MACF1: variants seen among roughly 807,000 people sequenced by gnomAD.
MACF1 encodes the protein microtubule-actin cross-linking factor 1.
Under a neutral mutation model 854.8 loss-of-function variants are expected in MACF1, and 193 were observed. The ratio of observed to expected loss-of-function variants is 0.23; its 90% CI spans 0.20 to 0.25. MACF1 has a LOEUF of 0.25. MACF1 is among the 10% of genes least tolerant of loss of function. MACF1 has a pLI of 1.00. For synonymous variants in MACF1, 3,185 were observed against 3,226.7 expected (o/e 0.99, Z 0.44); for missense variants, 7,722 against 8,929.1 (o/e 0.86, Z 5.45).
At chr1:39,231,657 A>G (rs1407418040) in intron 2 of MACF1, among the ~76,000 whole-genome samples, 2 of 151,880 alleles carry the variant, frequency 1.3e-5, no homozygotes, top group Non-Finnish European at 2.9e-5. Flanking sequence ...AGAACAGTTT[A>G]TTCCTAGCTT....
intron 2 of MACF1, among the ~76,000 whole-genome samples, chr1:39,242,334 A>T (rs1644933577): frequency 6.7e-6 from 1 of 149,732 alleles, no homozygotes; most frequent in Non-Finnish European, 1.5e-5. Context: ...TGAGCAACAG[A>T]GTGAGACTCT....
At chr1:39,149,782 C>T (rs927223954) in intron 2 of MACF1, among the ~76,000 whole-genome samples, 3 of 152,034 alleles carry the variant, frequency 2.0e-5, no homozygotes, top group African/African-American at 4.8e-5. Context: ...CCTCTCCAAC[C>T]ACTTTCTCAC....
intron 91 of MACF1, chr1:39,459,896 CT>C: frequency 8.1e-7 from 1 of 1,235,576 alleles, no homozygotes; most frequent in African/African-American, 1.6e-5. Flanking sequence ...TTATTGGGTT[CT>C]TGGTGCTTTT....
chr1:39,360,280 T>A (rs1327206957), intron 47 of MACF1, among the ~76,000 whole-genome samples: 1 of 151,722 alleles, frequency 6.6e-6, no homozygotes, highest in Admixed American at 6.6e-5. Flanking sequence ...AGGACAGTAC[T>A]TCTAGTATTA....
At chr1:39,110,771 C>G (rs1406961343) in intron 2 of MACF1, among the ~76,000 whole-genome samples, 2 of 152,138 alleles carry the variant, frequency 1.3e-5, no homozygotes, top group Admixed American at 6.5e-5. Flanking sequence ...TTGTCTTGGG[C>G]TTGTTGGCAA....
intron 2 of MACF1, among the ~76,000 whole-genome samples, chr1:39,090,783 T>G (rs1270806806): frequency 6.6e-6 from 1 of 152,170 alleles, no homozygotes; most frequent in African/African-American, 2.4e-5. Context: ...CCAGAGTAGC[T>G]GACACTGCAG....
chr1:39,475,046 G>A (rs1644852038), intron 97 of MACF1, among the ~76,000 whole-genome samples: 1 of 152,282 alleles, frequency 6.6e-6, no homozygotes, highest in Middle Eastern at 3.4e-3. Context: ...ATGGATGCCA[G>A]ACCACTGGGT....
intron 2 of MACF1, among the ~76,000 whole-genome samples, chr1:39,106,168 G>A (rs1642231098): frequency 6.6e-6 from 1 of 152,120 alleles, no homozygotes; most frequent in African/African-American, 2.4e-5. Context: ...TTGAGTCTCG[G>A]ATGAGTCGCG....
At chr1:39,178,128 C>T (rs1434685786) in intron 2 of MACF1, among the ~76,000 whole-genome samples, 3 of 150,908 alleles carry the variant, frequency 2.0e-5, no homozygotes, top group Non-Finnish European at 4.4e-5. Flanking sequence ...TCAGTAAGCC[C>T]ATAAAGGTCA....
chr1:39,317,080 C>A, intron 28 of MACF1, 134 bp from the exon 29 acceptor site: 3 of 903,790 alleles, frequency 3.3e-6, no homozygotes, highest in Admixed American at 2.9e-5. Flanking sequence ...GCAGTCCTGG[C>A]ACAAACATTC....
chr1:39,222,643 T>A (rs1354603924), intron 1 of MACF1, among the ~76,000 whole-genome samples: 1 of 152,212 alleles, frequency 6.6e-6, no homozygotes, highest in African/African-American at 2.4e-5. Context: ...GCAGCTTGTG[T>A]CTGGTGTGTT....
chr1:39,285,583 TATTC>T lies in MACF1; in HGVS notation c.1354-20_1354-17del. ...GGGGCAATGGAAGTTTTCCCACTGT[TATTC>T]TCTCTTCCTGTCTCAGGATGCTGCT... is the stretch of plus-strand genomic sequence containing the variant. On this transcript the variant is annotated splice_polypyrimidine_tract_variant and intron_variant, in intron 13 of 100. Transcript: ENST00000564288. 6.2e-7 allele frequency: 1 copy of T among 1,611,032 alleles called. No homozygotes were observed. The highest frequency in any genetic ancestry group is 8.5e-7 in the Non-Finnish European group (1 of 1,177,512).
intron 2 of MACF1, among the ~76,000 whole-genome samples, chr1:39,171,555 T>G (rs535147864): frequency 2.0e-3 from 298 of 152,336 alleles, no homozygotes; most frequent in Non-Finnish European, 3.1e-3. Flanking sequence ...TTCTTTCACT[T>G]AGCATATGCA....
At position 39,234,413 on chromosome 1, in the gene MACF1, A is replaced by G. The variant is rs1191755291; in HGVS notation, c.171+3170A>G. 5.1e-4 allele frequency among the ~76,000 whole-genome samples: 68 copies of G among 132,284 alleles called. 1 individual carries two copies. The highest frequency in any genetic ancestry group is 1.2e-3 in the East Asian group (5 of 4,102). The allele number at this position is 132,284 out of a possible 152,430, so 86.8% of individuals were successfully genotyped here. A position where few individuals can be genotyped will look rare whatever the true frequency, so the allele number is the denominator to read the frequency against. ...TTCCGGGCGGGGCGGCTGGCCGGGC[A>G]GGGGGCTGACCCCCCCACCTCCCTC... On this transcript the variant is annotated intron_variant, in intron 2 of 100. Coordinates refer to ENST00000564288, the MANE Select transcript of MACF1 (RefSeq NM_001394062.1).
intron 88 of MACF1, among the ~76,000 whole-genome samples, chr1:39,454,062 A>C (rs1339278674): frequency 6.6e-6 from 1 of 152,224 alleles, no homozygotes; most frequent in Non-Finnish European, 1.5e-5. Flanking sequence ...TGTGACTTCC[A>C]GTGGACATGT....
chr1:39,303,787 G>A (rs187093138), intron 23 of MACF1, among the ~76,000 whole-genome samples: 125 of 151,110 alleles, frequency 8.3e-4, no homozygotes, highest in Non-Finnish European at 1.4e-3. Flanking sequence ...TCAGAGAATC[G>A]CTTGAACCTG....
In MACF1 at chr1:39,333,095, A is replaced by C; in HGVS notation, c.6507A>C (p.Thr2169=). ...AACCTCTAAGAAACACTTCCTTTACATGTCAGAATGAACAAGCACACACTC... is the reference window on the plus strand; with the variant it reads ...AACCTCTAAGAAACACTTCCTTTACCTGTCAGAATGAACAAGCACACACTC... ...EHQPLRNTSF[T]CQNEQAHTLE... Residue 2169 remains threonine, a synonymous_variant, in exon 37 of 101, where the codon ACA becomes ACC. Transcript: ENST00000564288. The C allele has an allele frequency of 6.2e-7, 1 of 1,614,092 alleles. No homozygotes were observed. The highest frequency in any genetic ancestry group is 1.1e-5 in the South Asian group (1 of 91,084).
intron 61 of MACF1, among the ~76,000 whole-genome samples, chr1:39,426,177 GAT>G (rs1339466969): frequency 6.6e-6 from 1 of 152,086 alleles, no homozygotes; most frequent in African/African-American, 2.4e-5. Context: ...ATTACTTGAA[GAT>G]ATATTTTGAA....
intron 58 of MACF1, among the ~76,000 whole-genome samples, chr1:39,416,066 A>G (rs771253852): frequency 1.3e-4 from 20 of 152,188 alleles, no homozygotes; most frequent in Non-Finnish European, 7.4e-5. Context: ...CCAGCTAAAC[A>G]TGCAGGTCCT....
Sources: allele counts gnomAD v4.1 joint callset (sites outside exome capture counted in the v4.1 genomes callset), GRCh38; gene constraint gnomAD v4.1.1; transcripts MANE v1.5; gene names NCBI Gene and HGNC (gene_info 2026-07-23, HGNC 2026-07-21).